The following ERICH6 variants were observed in gnomAD, a reference collection of about 807,000 sequenced individuals.
ERICH6 encodes the protein glutamate-rich protein 6.
Under a neutral mutation model 71.0 loss-of-function variants are expected in ERICH6, and 71 were observed. The observed-to-expected ratio is 1.00, with a 90% CI of 0.83 to 1.22. The LOEUF is 1.22. ERICH6 is among the 50% of genes most tolerant of loss of function. The pLI is 0.00. For missense variants in ERICH6, 808 were observed against 797.2 expected (o/e 1.01, Z -0.16); for synonymous variants, 262 against 278.4 (o/e 0.94, Z 0.59).
chr3:150,690,050 A>AAT (rs1712361856), intron 3 of ERICH6, among the ~76,000 whole-genome samples: 1 of 152,212 alleles, frequency 6.6e-6, no homozygotes, highest in Non-Finnish European at 1.5e-5. Context: ...CACTGTAAAA[A>AAT]TATGATGTGG....
intron 10 of ERICH6, among the ~76,000 whole-genome samples, chr3:150,675,909 T>C (rs1430051082): frequency 6.6e-6 from 1 of 151,390 alleles, no homozygotes; most frequent in African/African-American, 2.4e-5. Context: ...ATGATGTGTC[T>C]AGAATTTTTT....
At chr3:150,701,829 G>GC (rs5853490) in intron 2 of ERICH6, among the ~76,000 whole-genome samples, 123,759 of 152,076 alleles carry the variant, frequency 0.81, 50,583 homozygotes, top group East Asian at 0.95. Context: ...GCCAATAAAA[G>GC]CTATATTCAA....
chr3:150,686,000 T>C lies in ERICH6; in HGVS notation c.632A>G (p.Glu211Gly). 1 of 1,604,514 alleles carries C rather than the reference T, an allele frequency of 6.2e-7. No homozygotes were observed. The highest frequency in any genetic ancestry group is 1.1e-5 in the South Asian group (1 of 90,910). Residue 211 changes from glutamate (E) to glycine (G), a missense_variant, in exon 5 of 14, where the codon GAA becomes GGA. Physicochemically the swap from Glu to Gly is moderately conservative, Grantham distance 98. This residue lies in a region of ERICH6 where 736 missense variants were observed against 712.2 expected (regional missense o/e 1.03). Transcript: ENST00000295910. ...KLREKWVINP[E>G]ESKLNILYEL... ...ATATAAAATATTTAGTTTCGACTCTTCTGGATTAATTACCCATTTTTCTGG... is the reference window on the plus strand; with the variant it reads ...ATATAAAATATTTAGTTTCGACTCTCCTGGATTAATTACCCATTTTTCTGG...
At chr3:150,682,974 C>A (rs1424149917) in intron 6 of ERICH6, among the ~76,000 whole-genome samples, 3 of 152,134 alleles carry the variant, frequency 2.0e-5, no homozygotes, top group African/African-American at 7.2e-5. Context: ...TGTCAATGAC[C>A]TGAGGTCATG....
chr3:150,700,587 T>A (rs1034651653), intron 2 of ERICH6, among the ~76,000 whole-genome samples: 106 of 151,886 alleles, frequency 7.0e-4, no homozygotes, highest in Non-Finnish European at 1.1e-3. Context: ...TATTATTATT[T>A]TTTATTTATT....
At chr3:150,691,575 T>G (rs56009154) in intron 3 of ERICH6, among the ~76,000 whole-genome samples, 5 of 151,994 alleles carry the variant, frequency 3.3e-5, no homozygotes, top group Non-Finnish European at 7.4e-5. Context: ...GAGAAAGGGA[T>G]GTTCAGGACA....
At chr3:150,696,498 C>G (rs1712662165) in intron 3 of ERICH6, among the ~76,000 whole-genome samples, 1 of 151,936 alleles carries the variant, frequency 6.6e-6, no homozygotes, top group African/African-American at 2.4e-5. Context: ...AAAAGACAAA[C>G]TGGGAGGAGC....
At chr3:150,681,807 CTTTTT>C (rs34909258) in intron 7 of ERICH6, among the ~76,000 whole-genome samples, 1 of 70,262 alleles carries the variant, frequency 1.4e-5, no homozygotes, top group Non-Finnish European at 2.5e-5. Flanking sequence ...ACACATAACT[CTTTTT>C]TTTTTTTTTT....
At chr3:150,688,617 T>G (rs1179839606) in intron 3 of ERICH6, among the ~76,000 whole-genome samples, 2 of 152,206 alleles carry the variant, frequency 1.3e-5, no homozygotes, top group East Asian at 3.8e-4. Context: ...CTGCCTCCCA[T>G]TCTATTCAAT....
At position 150,666,885 on chromosome 3, in the gene ERICH6, G is replaced by C. The variant is rs373184930; in HGVS notation, c.1630C>G (p.Arg544Gly). ...SFKPVFLALN[R>G]YIGVRILEQD... ...TCTAAGATGCGGACTCCAATATAAC[G>C]GTTCAAAGCCAGAAAGACAGGTTTA... The change falls in exon 13 of 14, where the codon CGT (arginine) becomes GGT (glycine). Residue 544 changes from arginine (R) to glycine (G), a missense_variant. Around this residue, in one of 3 missense-constraint regions of ERICH6, gnomAD observed 736 missense variants for 712.2 expected, o/e 1.03. Coordinates refer to ENST00000295910, the MANE Select transcript of ERICH6 (RefSeq NM_152394.5). 40 of 1,614,088 alleles carry C rather than the reference G, an allele frequency of 2.5e-5. No homozygotes were observed. Among genetic ancestry groups the C allele is most frequent in the African/African-American group, 1.3e-4 (10 of 75,006 alleles).
Position 150,698,786 on chromosome 3 carries a change from C to A in ERICH6, c.553+5G>T, listed in dbSNP as rs750973056. On this transcript the variant is annotated splice_donor_5th_base_variant and intron_variant, in intron 3 of 13. Coordinates refer to ENST00000295910, the MANE Select transcript of ERICH6 (RefSeq NM_152394.5). ...CAGGAAAAGCTAAGAAATCAAACTA[C>A]TCACTCGATTGCACTTTATCAGACA... 2 of 1,610,530 alleles carry A rather than the reference C, an allele frequency of 1.2e-6. No individual in the cohort carries two copies. Among genetic ancestry groups the A allele is most frequent in the East Asian group, 4.5e-5 (2 of 44,836 alleles).
intron 3 of ERICH6, among the ~76,000 whole-genome samples, chr3:150,695,374 G>A (rs183524146): frequency 1.8e-4 from 28 of 152,164 alleles, no homozygotes; most frequent in Admixed American, 1.2e-3. Flanking sequence ...GATTCTCGCC[G>A]GCTGTAGTGG....
intron 3 of ERICH6, among the ~76,000 whole-genome samples, chr3:150,696,432 A>G (rs537517337): frequency 2.0e-5 from 3 of 152,292 alleles, no homozygotes; most frequent in African/African-American, 7.2e-5. Context: ...CAAGGAAAAG[A>G]TTTACTTACA....
chr3:150,682,838 G>T (rs1712023533), intron 6 of ERICH6, among the ~76,000 whole-genome samples: 1 of 152,164 alleles, frequency 6.6e-6, no homozygotes, highest in Non-Finnish European at 1.5e-5. Flanking sequence ...TCTCTGGGGA[G>T]CCTAGGTTGG....
At chr3:150,699,058 A>G (rs1576564193) in intron 2 of ERICH6, among the ~76,000 whole-genome samples, 176 bp from the exon 3 acceptor site, 2 of 152,134 alleles carry the variant, frequency 1.3e-5, no homozygotes, top group African/African-American at 4.8e-5. Context: ...GTTTGCATCA[A>G]ATCTTTTTTT....
rs767648144 is a variant in ERICH6, at chr3:150,667,040, T to C, written c.1500-25A>G. ...CCTGGTCAGGAAGGAAATGTAAATA[T>C]CATAAACAGTAACACTGTAATTAAA... On this transcript the variant is annotated intron_variant, in intron 12 of 13. Transcript: ENST00000295910. 1.4e-5 allele frequency: 23 copies of C among 1,588,020 alleles called. No homozygotes were observed. In the Admixed American group the frequency reaches 3.9e-4, roughly 27 times the overall value.
intron 6 of ERICH6, among the ~76,000 whole-genome samples, chr3:150,683,906 C>A (rs913968938): frequency 6.6e-6 from 1 of 152,190 alleles, no homozygotes; most frequent in African/African-American, 2.4e-5. Flanking sequence ...CCTGAAAGAC[C>A]TGCTGAGGAG....
At chr3:150,675,829 G>T in intron 10 of ERICH6, among the ~76,000 whole-genome samples, 1 of 144,874 alleles carries the variant, frequency 6.9e-6, no homozygotes, top group East Asian at 2.0e-4. Context: ...TTTTTCCTCT[G>T]CTACTTCTAA....
chr3:150,674,706 G>A (rs1409551421), intron 10 of ERICH6, among the ~76,000 whole-genome samples: 1 of 152,160 alleles, frequency 6.6e-6, no homozygotes, highest in Non-Finnish European at 1.5e-5. Context: ...TGATCAAAGA[G>A]TGTCATCTTT....
Sources: allele counts gnomAD v4.1 joint callset (sites outside exome capture counted in the v4.1 genomes callset), GRCh38; gene constraint gnomAD v4.1.1; regional missense constraint gnomAD v4.1.1; transcripts MANE v1.5; gene names NCBI Gene and HGNC (gene_info 2026-07-23, HGNC 2026-07-21).